Variants in EML6 observed in about 807,000 individuals in gnomAD.
The protein encoded by EML6 is echinoderm microtubule-associated protein-like 6.
In EML6, 154 loss-of-function variants were observed where a neutral mutation model predicts 240.1. That is an observed-to-expected ratio of 0.64 (90% CI 0.56 to 0.73). EML6 has a LOEUF of 0.73. Among genes scored for constraint, EML6 ranks in the 30% least tolerant of loss-of-function variants. The pLI, the probability that EML6 is intolerant of heterozygous loss-of-function variation, is 0.00. For missense variants in EML6, 2,964 were observed against 2,474.6 expected, an observed-to-expected ratio of 1.20 and a Z score of -4.20; for synonymous variants, 1,148 against 899.0, an observed-to-expected ratio of 1.28 and a Z score of -4.95.
intron 7 of EML6, among the ~76,000 whole-genome samples, chr2:54,839,528 G>A (rs1239377112): frequency 6.6e-6 from 1 of 152,236 alleles, no homozygotes; most frequent in Non-Finnish European, 1.5e-5. Flanking sequence ...AGTTGATATT[G>A]CAAGCAATGA....
chr2:54,970,132 T>C lies in EML6; in HGVS notation c.*37T>C. Reference sequence around the variant, plus strand: ...CCTCTTATGTTATTGCTGCTGCTGCTACCAGCCAGCAACTGCAGAGGCCAT... The same window carrying C: ...CCTCTTATGTTATTGCTGCTGCTGCCACCAGCCAGCAACTGCAGAGGCCAT... On this transcript the variant is annotated 3_prime_UTR_variant, in exon 42 of 42. Transcript: ENST00000356458. The C allele has an allele frequency of 1.9e-6, 3 of 1,549,028 alleles. No homozygotes were observed. The highest frequency in any genetic ancestry group is 2.6e-6 in the Non-Finnish European group (3 of 1,144,488).
chr2:54,969,989 C>T lies in EML6; in HGVS notation c.5853-82C>T. ...ACATCACCCGAGCTTGACTTTTGAG[C>T]ACTTGGCAAGATTGTTTTTTGCCAC... On this transcript the variant is annotated intron_variant, in intron 41 of 41. Transcript: ENST00000356458. 2.8e-6 allele frequency: 4 copies of T among 1,442,948 alleles called. No individual in the cohort carries two copies. The South Asian group carries it at 3.7e-5, about 13-fold the overall frequency. 89.4% of individuals were successfully genotyped at this position (1,442,948 alleles called of 1,614,324 possible).
intron 24 of EML6, among the ~76,000 whole-genome samples, chr2:54,905,370 AC>A (rs1673272723): frequency 1.5e-5 from 2 of 131,352 alleles, no homozygotes; most frequent in Admixed American, 7.6e-5. Context: ...ACACACACAC[AC>A]ACACACAAAA....
At chr2:54,844,365 C>T in intron 8 of EML6, 117 bp downstream of exon 8, 4 of 777,364 alleles carry the variant, frequency 5.1e-6, no homozygotes, top group Admixed American at 2.5e-5. Context: ...CCAAATGAAA[C>T]GTTAAGACAT....
chr2:54,823,188 C>T (rs1668410036), intron 5 of EML6, among the ~76,000 whole-genome samples: 1 of 152,204 alleles, frequency 6.6e-6, no homozygotes, highest in African/African-American at 2.4e-5. Flanking sequence ...AGGTAAAAAT[C>T]AAAGCCCTCT....
chr2:54,799,390 C>T (rs1413495408), intron 2 of EML6, among the ~76,000 whole-genome samples: 3 of 150,730 alleles, frequency 2.0e-5, no homozygotes, highest in South Asian at 2.1e-4. Context: ...AAGATGGAGC[C>T]TCTGGTGTGT....
intron 26 of EML6, among the ~76,000 whole-genome samples, chr2:54,919,212 GA>G (rs1216070438): frequency 6.6e-6 from 1 of 150,484 alleles, no homozygotes; most frequent in Non-Finnish European, 1.5e-5. Context: ...ACCTGATTGA[GA>G]AGTGTTCCTA....
Position 54,747,522 on chromosome 2 carries a change from A to G in EML6, c.197+22264A>G, listed in dbSNP as rs567171985. 3 of 152,336 alleles carry G rather than the reference A, an allele frequency of 2.0e-5. No individual in the cohort carries two copies. In the East Asian group the frequency reaches 5.8e-4, roughly 29 times the overall value. The allele number at this position is 152,336 out of a possible 1,614,324, so 9.4% of individuals were successfully genotyped here. ...GAAATGACTAAAAACAAACTCATTAACTTATATATTCTTTGGTAACCTTAC... is the reference window on the plus strand; with the variant it reads ...GAAATGACTAAAAACAAACTCATTAGCTTATATATTCTTTGGTAACCTTAC... On this transcript the variant is annotated intron_variant, in intron 2 of 41. Transcript: ENST00000356458.
chr2:54,759,926 A>G (rs556772250), intron 2 of EML6, among the ~76,000 whole-genome samples: 6 of 150,648 alleles, frequency 4.0e-5, no homozygotes, highest in Non-Finnish European at 8.9e-5. Context: ...ATATATTTTA[A>G]TGATTAAGTG....
At chr2:54,777,407 GC>G (rs932863937) in intron 2 of EML6, among the ~76,000 whole-genome samples, 8 of 152,136 alleles carry the variant, frequency 5.3e-5, no homozygotes, top group Non-Finnish European at 1.2e-4. Flanking sequence ...TTTATTGCAG[GC>G]TTTTTGCTTT....
At chr2:54,905,340 AC>A (rs1558670702) in intron 24 of EML6, among the ~76,000 whole-genome samples, 3 of 147,238 alleles carry the variant, frequency 2.0e-5, no homozygotes, top group Non-Finnish European at 3.0e-5. Flanking sequence ...ACACACACAC[AC>A]ACACACACAC....
intron 2 of EML6, among the ~76,000 whole-genome samples, chr2:54,799,846 C>T (rs1307431278): frequency 6.6e-6 from 1 of 152,178 alleles, no homozygotes; most frequent in Non-Finnish European, 1.5e-5. Context: ...TGAGTCTTTG[C>T]TCAGTTTGTT....
At chr2:54,965,462 A>T (rs1490136493) in intron 38 of EML6, among the ~76,000 whole-genome samples, 1 of 151,280 alleles carries the variant, frequency 6.6e-6, no homozygotes, top group Admixed American at 6.6e-5. Flanking sequence ...AGACAGGGGA[A>T]TTGCAATAGA....
At chr2:54,927,185 T>C (rs1674595490) in intron 26 of EML6, among the ~76,000 whole-genome samples, 1 of 152,228 alleles carries the variant, frequency 6.6e-6, no homozygotes, top group Admixed American at 6.5e-5. Flanking sequence ...GCTTCAGGAA[T>C]CTTTCTAGGC....
intron 39 of EML6, among the ~76,000 whole-genome samples, 164 bp from the exon 40 acceptor site, chr2:54,967,964 C>T (rs986396009): frequency 1.3e-5 from 2 of 152,158 alleles, no homozygotes; most frequent in African/African-American, 4.8e-5. Flanking sequence ...GCCCTGCGGT[C>T]GGTTCCTAAC....
intron 9 of EML6, among the ~76,000 whole-genome samples, chr2:54,847,914 A>G (rs1174365585): frequency 6.6e-6 from 1 of 152,180 alleles, no homozygotes; most frequent in Non-Finnish European, 1.5e-5. Context: ...CTTGCTGCAA[A>G]ATTATTGTGT....
At chr2:54,812,130 C>T (rs1021160453) in intron 2 of EML6, among the ~76,000 whole-genome samples, 8 of 152,038 alleles carry the variant, frequency 5.3e-5, no homozygotes, top group Non-Finnish European at 1.0e-4. Context: ...CGCTCTGTAC[C>T]GGGCACTCTG....
At chr2:54,910,838 C>T (rs1255067624) in intron 24 of EML6, 116 bp from the exon 25 acceptor site, 1 of 572,940 alleles carries the variant, frequency 1.7e-6, no homozygotes, top group Admixed American at 2.8e-5. Flanking sequence ...AATGTATTTA[C>T]TCAATTTGTG....
In EML6 at chr2:54,957,945, G is replaced by C. The variant is rs201325402; in HGVS notation, c.4642G>C (p.Gly1548Arg). Residue 1548 changes from glycine to arginine, a missense_variant, in exon 33 of 42, where the codon GGG becomes CGG. Coordinates refer to ENST00000356458, the MANE Select transcript of EML6 (RefSeq NM_001039753.4). The stretch of plus-strand genomic sequence containing the variant: ...CTTGCTTTACAAGAAAGGGGTCATC[G>C]GGTCCCTGGGAGCTGCCAAAATGCA... ...SALLYKKGVIGSLGAAKMQTM... is the reference protein window; with the variant it reads ...SALLYKKGVIRSLGAAKMQTM... The C allele has an allele frequency of 6.4e-7, 1 of 1,551,554 alleles. No homozygotes were observed. Among genetic ancestry groups the C allele is most frequent in the South Asian group, 1.2e-5 (1 of 84,042 alleles).
Sources: gnomAD v4.1 joint callset for allele counts (sites outside exome capture counted in the v4.1 genomes callset) on GRCh38, gnomAD v4.1.1 for gene constraint, MANE v1.5 for transcripts, NCBI Gene and HGNC (gene_info 2026-07-23, HGNC 2026-07-21) for gene names.